The following TRAPPC8 variants were observed in gnomAD, a reference collection of about 807,000 sequenced individuals.
TRAPPC8 encodes the protein general sporulation gene 1 homolog.
A neutral mutation model predicts 174.3 loss-of-function variants in TRAPPC8; 54 were observed. That is an observed-to-expected ratio of 0.31 (90% CI 0.25 to 0.39). TRAPPC8 has a LOEUF of 0.39. TRAPPC8 is among the 10% of genes least tolerant of loss of function. The pLI is 1.00. For synonymous variants in TRAPPC8, 630 were observed against 579.9 expected (o/e 1.09, Z -1.24); for missense variants, 1,531 against 1,699.1 (o/e 0.90, Z 1.74).
intron 27 of TRAPPC8, among the ~76,000 whole-genome samples, chr18:31,836,965 T>A (rs923917147): frequency 9.2e-5 from 14 of 152,098 alleles, no homozygotes; most frequent in Non-Finnish European, 2.1e-4. Context: ...GGTTTCACCG[T>A]GTTAGCCAGG....
chr18:31,926,886 T>C (rs1437057074), intron 2 of TRAPPC8, among the ~76,000 whole-genome samples: 1 of 152,150 alleles, frequency 6.6e-6, no homozygotes, highest in Non-Finnish European at 1.5e-5. Flanking sequence ...AGACAGTAAT[T>C]AAGCCAAATC....
At chr18:31,871,180 T>A in intron 14 of TRAPPC8, 60 bp from the exon 15 acceptor site, 1 of 986,018 alleles carries the variant, frequency 1.0e-6, no homozygotes, top group Non-Finnish European at 1.4e-6. Context: ...AAACATATTT[T>A]AAATAGACAT....
chr18:31,855,487 G>T (rs1031220990), intron 21 of TRAPPC8, among the ~76,000 whole-genome samples, 173 bp downstream of exon 21: 4 of 152,042 alleles, frequency 2.6e-5, no homozygotes, highest in African/African-American at 9.7e-5. Flanking sequence ...CAGACTAAGG[G>T]ATAAAATCAC....
intron 19 of TRAPPC8, among the ~76,000 whole-genome samples, chr18:31,861,530 A>G (rs2034319589): frequency 6.6e-6 from 1 of 152,214 alleles, no homozygotes; most frequent in African/African-American, 2.4e-5. Flanking sequence ...AAACAATGTA[A>G]AAGTAAACCT....
At chr18:31,890,917 AATAG>A (rs1474273449) in intron 11 of TRAPPC8, 51 bp from the exon 12 acceptor site, 1 of 1,535,580 alleles carries the variant, frequency 6.5e-7, no homozygotes, top group African/African-American at 1.4e-5. Context: ...GTTAAAAGTA[AATAG>A]ATAACTAGTG....
intron 25 of TRAPPC8, 38 bp from the exon 26 acceptor site, chr18:31,846,855 AC>A: frequency 6.7e-7 from 1 of 1,500,010 alleles, no homozygotes; most frequent in Non-Finnish European, 9.2e-7. Flanking sequence ...ACCGTGCTTG[AC>A]AGTAACCTCT....
chr18:31,923,570 T>A (rs995344895), intron 2 of TRAPPC8, among the ~76,000 whole-genome samples: 5 of 152,172 alleles, frequency 3.3e-5, no homozygotes, highest in African/African-American at 4.8e-5. Context: ...TATATAAGAA[T>A]TAATACCTTA....
At chr18:31,898,410 A>G (rs537478559) in intron 10 of TRAPPC8, among the ~76,000 whole-genome samples, 2 of 152,338 alleles carry the variant, frequency 1.3e-5, no homozygotes, top group South Asian at 2.1e-4. Flanking sequence ...TTTCATTATC[A>G]TGTAATTTGG....
intron 11 of TRAPPC8, among the ~76,000 whole-genome samples, chr18:31,893,012 G>T (rs2036022625): frequency 1.5e-5 from 2 of 136,470 alleles, no homozygotes; most frequent in African/African-American, 2.7e-5. Context: ...ATGACGCCTT[G>T]TCTCAAAAAA....
At position 31,848,749 on chromosome 18, in the gene TRAPPC8, G is replaced by T. The variant is rs561555175; in HGVS notation, c.3735+817C>A. ...AATCAAAACCTTGTCACAAAGTTCG[G>T]GTGATTATTCTTGGACAAGATCCTT... is the stretch of plus-strand genomic sequence containing the variant. On this transcript the variant is annotated intron_variant, in intron 25 of 28. Transcript: ENST00000283351. Among the ~76,000 whole-genome samples, 128 of 152,140 alleles carry T rather than the reference G, an allele frequency of 8.4e-4. 1 individual carries two copies. Among genetic ancestry groups the T allele is most frequent in the Non-Finnish European group, 5.4e-4 (37 of 67,998 alleles).
chr18:31,937,656 A>G (rs2038164294), intron 1 of TRAPPC8: 1 of 152,214 alleles, frequency 6.6e-6, no homozygotes, highest in Admixed American at 6.5e-5. Context: ...GAAATTTAAG[A>G]AAACTGGAGA....
chr18:31,880,119 ATATTT>A (rs1166957406), intron 12 of TRAPPC8, among the ~76,000 whole-genome samples: 1,250 of 72,732 alleles, frequency 0.017, 10 homozygotes, highest in Middle Eastern at 0.033. Flanking sequence ...ATATATATAT[ATATTT>A]TTTTTTTTTT....
intron 26 of TRAPPC8, among the ~76,000 whole-genome samples, chr18:31,841,719 A>C (rs1391575528): frequency 6.6e-6 from 1 of 152,190 alleles, no homozygotes; most frequent in East Asian, 1.9e-4. Flanking sequence ...GAGGACTTCT[A>C]CCTATACCTC....
At chr18:31,840,809 T>A (rs1305293573) in intron 26 of TRAPPC8, among the ~76,000 whole-genome samples, 1 of 152,150 alleles carries the variant, frequency 6.6e-6, no homozygotes, top group Non-Finnish European at 1.5e-5. Context: ...AGAGCTAAAT[T>A]TGCTGGAAAT....
At position 31,832,071 on chromosome 18, in the gene TRAPPC8, A is replaced by C; in HGVS notation, c.4073+13T>G. The C allele has an allele frequency of 6.6e-7, 1 of 1,518,706 alleles. No homozygotes were observed. The highest frequency in any genetic ancestry group is 8.8e-7 in the Non-Finnish European group (1 of 1,135,120). 94.1% of individuals were successfully genotyped at this position (1,518,706 alleles called of 1,614,324 possible). On this transcript the variant is annotated intron_variant, in intron 28 of 28. Transcript: ENST00000283351. ...TCCCAAATCAAATAACCTTGCACTA[A>C]ACAAATCTTTACCTTGTTGTTTTAT... is the stretch of plus-strand genomic sequence containing the variant.
At chr18:31,865,076 C>CA (rs1473533916) in intron 18 of TRAPPC8, among the ~76,000 whole-genome samples, 1 of 152,030 alleles carries the variant, frequency 6.6e-6, no homozygotes, top group Non-Finnish European at 1.5e-5. Context: ...TATTAACTAA[C>CA]AAAACCTGAG....
At chr18:31,863,446 G>T (rs1446382316) in intron 19 of TRAPPC8, among the ~76,000 whole-genome samples, 2 of 152,010 alleles carry the variant, frequency 1.3e-5, no homozygotes, top group East Asian at 3.9e-4. Flanking sequence ...TGAAAAACTA[G>T]AAGTAAACCC....
chr18:31,877,287 T>C (rs558531968), intron 12 of TRAPPC8, among the ~76,000 whole-genome samples: 14 of 152,256 alleles, frequency 9.2e-5, no homozygotes, highest in Admixed American at 7.2e-4. Flanking sequence ...GAAAGCACTT[T>C]TCATGCTTTT....
intron 4 of TRAPPC8, 39 bp downstream of exon 4, chr18:31,916,233 T>C (rs1200859344): frequency 2.1e-6 from 3 of 1,401,158 alleles, no homozygotes; most frequent in Non-Finnish European, 2.8e-6. Flanking sequence ...TGTTAAATCA[T>C]TTAACTGGAA....
Sources: gnomAD v4.1 joint callset for allele counts (sites outside exome capture counted in the v4.1 genomes callset) on GRCh38, gnomAD v4.1.1 for gene constraint, MANE v1.5 for transcripts, NCBI Gene and HGNC (gene_info 2026-07-23, HGNC 2026-07-21) for gene names.